Variants in CBARP observed in about 807,000 individuals in gnomAD.
CBARP encodes the protein CACN subunit beta associated regulatory protein.
In CBARP, 24 loss-of-function variants were observed where a neutral mutation model predicts 36.3. That is an observed-to-expected ratio of 0.66 (90% CI 0.48 to 0.93). CBARP has a LOEUF of 0.93. Among genes scored for constraint, CBARP ranks in the 40% least tolerant of loss-of-function variants. The pLI is 0.00. For missense variants in CBARP, 1,146 were observed against 980.4 expected (o/e 1.17, Z -2.26); for synonymous variants, 586 against 453.2 (o/e 1.29, Z -3.72).
Position 1,235,879 on chromosome 19 carries a change from C to G in CBARP, c.145G>C (p.Val49Leu), listed in dbSNP as rs79529846. The G allele has an allele frequency of 2.5e-6, 4 of 1,612,274 alleles. No individual in the cohort carries two copies. Among genetic ancestry groups the G allele is most frequent in the African/African-American group, 1.3e-5 (1 of 74,934 alleles). Residue 49 changes from valine (V) to leucine (L), a missense_variant, in exon 3 of 10, where the codon GTG becomes CTG. Val to Leu is a conservative substitution (Grantham distance 32). Coordinates refer to ENST00000650044, the MANE Select transcript of CBARP (RefSeq NM_001393918.1). ...DPILDNYVLL[V>L]VVMSLFVGGT... ...CCCACGAACAGCGACATCACCACCACCAGCAGCACGTAGTTGTCCAGGATG... is the reference window on the plus strand; with the variant it reads ...CCCACGAACAGCGACATCACCACCAGCAGCAGCACGTAGTTGTCCAGGATG...
At chr19:1,235,323 G>GCGCCTGGGCCCACCTA in intron 4 of CBARP, 178 bp from the exon 5 acceptor site, 1 of 1,037,526 alleles carries the variant, frequency 9.6e-7, no homozygotes, top group Non-Finnish European at 1.3e-6. Flanking sequence ...CGCTCAGCAC[G>GCGCCTGGGCCCACCTA]CGCCTGGGCC....
intron 1 of CBARP, among the ~76,000 whole-genome samples, chr19:1,237,417 C>G (rs1035137551): frequency 4.6e-5 from 7 of 151,858 alleles, no homozygotes; most frequent in African/African-American, 1.5e-4. Flanking sequence ...GAGGCGGCTG[C>G]GGGAGCCGAG....
intron 1 of CBARP, among the ~76,000 whole-genome samples, chr19:1,236,512 C>A (rs1374541166): frequency 6.6e-6 from 1 of 152,090 alleles, no homozygotes; most frequent in Non-Finnish European, 1.5e-5. Context: ...GGACTCCAGA[C>A]GCCCTGTCCG....
At chr19:1,234,071 G>T in intron 7 of CBARP, 120 bp downstream of exon 7, 1 of 1,220,072 alleles carries the variant, frequency 8.2e-7, no homozygotes, top group Non-Finnish European at 1.1e-6. Flanking sequence ...GACCCGGCGG[G>T]CCAAGGAGGG....
chr19:1,235,906 G>A lies in CBARP; in HGVS notation c.118C>T (p.Pro40Ser). The change falls in exon 3 of 10, where the codon CCC (proline) becomes TCC (serine). Residue 40 changes from proline (P) to serine (S), a missense_variant. Transcript: ENST00000650044. ...ATGRPTAEPD[P>S]ILDNYVLLVV... Reference sequence around the variant, plus strand: ...AGCAGCACGTAGTTGTCCAGGATGGGGTCTGGCTCTGCCTGCGGGTGTGCA... The same window carrying A: ...AGCAGCACGTAGTTGTCCAGGATGGAGTCTGGCTCTGCCTGCGGGTGTGCA... 1.2e-6 allele frequency: 2 copies of A among 1,611,854 alleles called. No individual in the cohort carries two copies. Among genetic ancestry groups the A allele is most frequent in the East Asian group, 2.2e-5 (1 of 44,890 alleles).
chr19:1,229,512 G>T lies in CBARP; in HGVS notation c.1785C>A (p.Ala595=), dbSNP rs2080861973. The part of the protein sequence containing the change: ...RQHSDPGARA[A]PALAGTPAPP... ...GTGCCGGGGTTCCGGCCAGGGCCGGGGCCGCGCGGGCGCCGGGGTCGCTGT... is the reference window on the plus strand; with the variant it reads ...GTGCCGGGGTTCCGGCCAGGGCCGGTGCCGCGCGGGCGCCGGGGTCGCTGT... Residue 595 remains alanine (A), a synonymous_variant, in exon 10 of 10, where the codon GCC becomes GCA. Coordinates refer to ENST00000650044, the MANE Select transcript of CBARP (RefSeq NM_001393918.1). This position sits in a 1 kb window ranked among gnomAD's most constrained non-coding sequence, Gnocchi z 5.1. 1 of 979,398 alleles carries T rather than the reference G, an allele frequency of 1.0e-6. No individual in the cohort carries two copies. The highest frequency in any genetic ancestry group is 1.2e-6 in the Non-Finnish European group (1 of 827,864). 60.7% of individuals were successfully genotyped at this position (979,398 alleles called of 1,614,324 possible). A position where few individuals can be genotyped will look rare whatever the true frequency, so the allele number is the denominator to read the frequency against.
In CBARP at chr19:1,230,101, G is replaced by A. The variant is rs1395553481; in HGVS notation, c.1196C>T (p.Ser399Phe). 4.6e-6 allele frequency: 5 copies of A among 1,078,026 alleles called. No individual in the cohort carries two copies. In the African/African-American group the frequency reaches 5.2e-5, roughly 11 times the overall value. The allele number at this position is 1,078,026 out of a possible 1,614,324, so 66.8% of individuals were successfully genotyped here. ...AEAAGGASPD[S>F]PPERGAGSAG... The stretch of plus-strand genomic sequence containing the variant: ...GCTGCCCGCGCCGCGCTCCGGGGGG[G>A]AATCGGGGCTCGCTCCTCCCGCTGC... Residue 399 changes from serine (S) to phenylalanine (F), a missense_variant, in exon 10 of 10, where the codon TCC becomes TTC. Physicochemically the swap from Ser to Phe is radical, Grantham distance 155 (BLOSUM62 -2). Coordinates refer to ENST00000650044, the MANE Select transcript of CBARP (RefSeq NM_001393918.1).
In CBARP at chr19:1,229,256, G is replaced by C. The variant is rs1411657877; in HGVS notation, c.2041C>G (p.Arg681Gly). ...AGLDERLFPP[R>G]LAEPVVATPA... is the part of the protein sequence containing the mutation. ...GTCGCCACGACGGGCTCGGCGAGGC[G>C]CGGCGGAAAGAGTCTCTCGTCGAGG... Residue 681 changes from arginine (R) to glycine (G), a missense_variant, in exon 10 of 10, where the codon CGC (arginine) becomes GGC (glycine). Coordinates refer to ENST00000650044, the MANE Select transcript of CBARP (RefSeq NM_001393918.1). This position sits in a 1 kb window ranked among gnomAD's most constrained non-coding sequence, Gnocchi z 5.1. 1 of 1,245,194 alleles carries C rather than the reference G, an allele frequency of 8.0e-7. No homozygotes were observed. Among genetic ancestry groups the C allele is most frequent in the Admixed American group, 2.6e-5 (1 of 37,918 alleles). The allele number at this position is 1,245,194 out of a possible 1,614,324, so 77.1% of individuals were successfully genotyped here. A position where few individuals can be genotyped will look rare whatever the true frequency, so the allele number is the denominator to read the frequency against.
rs2080964199 is a variant in CBARP at position 1,235,904 on chromosome 19, G to A, written c.120C>T (p.Pro40=). The A allele has an allele frequency of 1.9e-6, 3 of 1,611,916 alleles. No homozygotes were observed. Among genetic ancestry groups the A allele is most frequent in the African/African-American group, 1.3e-5 (1 of 74,940 alleles). Residue 40 remains proline, a synonymous_variant, in exon 3 of 10, where the codon CCC becomes CCT. Transcript: ENST00000650044. ...CCAGCAGCACGTAGTTGTCCAGGATGGGGTCTGGCTCTGCCTGCGGGTGTG... is the reference window on the plus strand; with the variant it reads ...CCAGCAGCACGTAGTTGTCCAGGATAGGGTCTGGCTCTGCCTGCGGGTGTG... ...ATGRPTAEPD[P]ILDNYVLLVV... is the part of the protein sequence containing the mutation.
intron 9 of CBARP, chr19:1,230,665 C>T (rs1426360063): frequency 1.6e-6 from 2 of 1,280,274 alleles, no homozygotes; most frequent in Non-Finnish European, 2.0e-6. Flanking sequence ...CGACGTGGGC[C>T]CTGGGCTTCA....
At position 1,236,004 on chromosome 19, in the gene CBARP, G is replaced by C. The variant is rs1349538227; in HGVS notation, c.97C>G (p.Arg33Gly). ...LTTSWDNATG[R>G]PTAEPDPILD... is the part of the protein sequence containing the mutation. ...CTGTCCCCTGCACCCACCGTGGGGC[G>C]TCCAGTGGCATTGTCCCACGACGTC... The change falls in exon 2 of 10, where the codon CGC (arginine) becomes GGC (glycine). Residue 33 changes from arginine to glycine, a missense_variant. Coordinates refer to ENST00000650044, the MANE Select transcript of CBARP (RefSeq NM_001393918.1). 6.4e-7 allele frequency: 1 copy of C among 1,552,938 alleles called. No individual in the cohort carries two copies. The highest frequency in any genetic ancestry group is 8.7e-7 in the Non-Finnish European group (1 of 1,147,584).
intron 1 of CBARP, among the ~76,000 whole-genome samples, chr19:1,237,329 G>T (rs904115677): frequency 6.6e-6 from 1 of 152,208 alleles, no homozygotes; most frequent in Non-Finnish European, 1.5e-5. Context: ...GCTGGAGGGG[G>T]TGGGGACAGG....
chr19:1,235,093 G>A lies in CBARP; in HGVS notation c.363C>T (p.Arg121=), dbSNP rs780042434. The A allele has an allele frequency of 1.4e-4, 223 of 1,608,110 alleles. 1 individual carries two copies. Among genetic ancestry groups the A allele is most frequent in the East Asian group, 5.6e-4 (25 of 44,722 alleles). Residue 121 remains arginine (R), a synonymous_variant, in exon 5 of 10, where the codon CGC becomes CGT. Transcript: ENST00000650044. ...GGCCCGTGGAGCTGGTGGACAGGAA[G>A]CGTTCGGTCTCCGCATCCTGGCACT... ...DPECQDAETE[R]FLSTSSTGRR... is the part of the protein sequence containing the mutation.
chr19:1,232,283 C>T (rs2080904267), intron 8 of CBARP, among the ~76,000 whole-genome samples: 1 of 152,158 alleles, frequency 6.6e-6, no homozygotes, highest in Admixed American at 6.5e-5. Context: ...AGGCCTTCCC[C>T]TCCCTGGCCC....
At position 1,229,812 on chromosome 19, in the gene CBARP, C is replaced by A; in HGVS notation, c.1485G>T (p.Ala495=). ...PPAPRPKDGE[A]RRLLQMDSGY... is the part of the protein sequence containing the mutation. ...CACTGTCCATCTGCAGCAGCCGGCGCGCCTCGCCGTCCTTGGGCCGCGGCG... is the reference window on the plus strand; with the variant it reads ...CACTGTCCATCTGCAGCAGCCGGCGAGCCTCGCCGTCCTTGGGCCGCGGCG... The change falls in exon 10 of 10, where the codon GCG becomes GCT. Residue 495 remains alanine, a synonymous_variant. Transcript: ENST00000650044. The surrounding 1 kb of genome is among the most constrained non-coding windows in gnomAD (Gnocchi z 5.1). 1.0e-6 allele frequency: 1 copy of A among 994,260 alleles called. No homozygotes were observed. The allele number at this position is 994,260 out of a possible 1,614,324, so 61.6% of individuals were successfully genotyped here. A position where few individuals can be genotyped will look rare whatever the true frequency, so the allele number is the denominator to read the frequency against.
chr19:1,229,850 G>C lies in CBARP; in HGVS notation c.1447C>G (p.Pro483Ala). ...TTGGGCCGCGGCGCGGGCGGGGAGG[G>C]CGGCGGGAAGGCGGGCGCCGCGCCC... ...SGGAAPAFPP[P>A]SPPAPRPKDG... The change falls in exon 10 of 10, where the codon CCC becomes GCC. Residue 483 changes from proline (P) to alanine (A), a missense_variant. Physicochemically the swap from Pro to Ala is conservative, Grantham distance 27 (BLOSUM62 -1). Transcript: ENST00000650044. This position sits in a 1 kb window ranked among gnomAD's most constrained non-coding sequence, Gnocchi z 5.1. 1.0e-6 allele frequency: 1 copy of C among 986,712 alleles called. No homozygotes were observed. The highest frequency in any genetic ancestry group is 1.2e-6 in the Non-Finnish European group (1 of 831,750). The allele number at this position is 986,712 out of a possible 1,614,324, so 61.1% of individuals were successfully genotyped here.
intron 4 of CBARP, 51 bp downstream of exon 4, chr19:1,235,450 C>T (rs755210105): frequency 7.3e-6 from 11 of 1,512,394 alleles, no homozygotes; most frequent in African/African-American, 5.6e-5. Flanking sequence ...GGCGGGTGGC[C>T]GAGGGGCGGA....
Position 1,231,137 on chromosome 19 carries a change from C to A in CBARP, c.1118G>T (p.Arg373Leu). ...AGDAVAFPHP[R>L]PFLASPPPAL... The stretch of plus-strand genomic sequence containing the variant: ...AGGGGGCGGGCTGGCCAGAAAGGGG[C>A]GGGGGTGCGGGAAGGCCACGGCGTC... The change falls in exon 9 of 10, where the codon CGC becomes CTC. Residue 373 changes from arginine (R) to leucine (L), a missense_variant. Arg to Leu is a moderately radical substitution (Grantham distance 102, BLOSUM62 -2). Transcript: ENST00000650044. The A allele has an allele frequency of 6.3e-7, 1 of 1,598,074 alleles. No homozygotes were observed. The highest frequency in any genetic ancestry group is 8.5e-7 in the Non-Finnish European group (1 of 1,171,982).
rs1188730671 is a variant in CBARP at position 1,234,322 on chromosome 19, TC to T, written c.636del (p.Lys213ArgfsTer174). 1 of 1,442,638 alleles carries T rather than the reference TC, an allele frequency of 6.9e-7. No homozygotes were observed. The allele number at this position is 1,442,638 out of a possible 1,614,324, so 89.4% of individuals were successfully genotyped here. A position where few individuals can be genotyped will look rare whatever the true frequency, so the allele number is the denominator to read the frequency against. On this transcript the variant is annotated frameshift_variant, in exon 7 of 10. Coordinates refer to ENST00000650044, the MANE Select transcript of CBARP (RefSeq NM_001393918.1). LOFTEE classifies it high-confidence loss of function. ...CCCACAGAGCGGCCGGTGAGGGCCT[TC>T]CCCGGGGGCTGTGGGACAGAGCCAG... The part of the protein sequence containing the change: ...KATLAIFQPP[G>X]KALTGRSVGP...
Sources: gnomAD v4.1 joint callset for allele counts (sites outside exome capture counted in the v4.1 genomes callset) on GRCh38, gnomAD v4.1.1 for gene constraint, Gnocchi (gnomAD v3.1) non-coding constraint, MANE v1.5 for transcripts, NCBI Gene and HGNC (gene_info 2026-07-23, HGNC 2026-07-21) for gene names.